Variants in CPN1 observed in about 807,000 individuals in gnomAD.
The protein encoded by CPN1 is carboxypeptidase N subunit 1.
Under a neutral mutation model 46.4 loss-of-function variants are expected in CPN1, and 37 were observed. The observed-to-expected ratio is 0.80, with a 90% confidence interval of 0.61 to 1.05. The LOEUF (loss-of-function observed/expected upper bound fraction) is 1.05, where lower values mean the gene tolerates loss of function less well. Among genes scored for constraint, CPN1 ranks in the 50% least tolerant of loss-of-function variants. The pLI, the probability that CPN1 is intolerant of heterozygous loss-of-function variation, is 0.00. For synonymous variants in CPN1, 224 were observed against 235.4 expected (o/e 0.95, Z 0.44); for missense variants, 563 against 602.6 (o/e 0.93, Z 0.69).
chr10:100,060,369 C>T (rs956361732), intron 5 of CPN1, among the ~76,000 whole-genome samples: 4 of 152,092 alleles, frequency 2.6e-5, no homozygotes, highest in African/African-American at 9.7e-5. Flanking sequence ...TGAGAACAGC[C>T]TGACCAACAT....
At chr10:100,075,398 A>C (rs1031045417) in intron 2 of CPN1, among the ~76,000 whole-genome samples, 1 of 152,234 alleles carries the variant, frequency 6.6e-6, no homozygotes, top group African/African-American at 2.4e-5. Context: ...AAACAACTCT[A>C]TGGAAATATA....
chr10:100,049,797 G>A (rs962700798), intron 7 of CPN1, among the ~76,000 whole-genome samples: 1 of 152,258 alleles, frequency 6.6e-6, no homozygotes, highest in Non-Finnish European at 1.5e-5. Flanking sequence ...TACGAAGCAG[G>A]AATTTTACTG....
In CPN1 at chr10:100,048,832, T is replaced by C. The variant is rs772671251; in HGVS notation, c.1156A>G (p.Thr386Ala). 4 of 1,613,858 alleles carry C rather than the reference T, an allele frequency of 2.5e-6. No individual in the cohort carries two copies. The highest frequency in any genetic ancestry group is 1.7e-5 in the Admixed American group (1 of 60,008). Reference sequence around the variant, plus strand: ...TACCCAGGTGCTGTGGCACTAACAGTGTAGATACCTGGAAGCAGCAGCCGG... The same window carrying C: ...TACCCAGGTGCTGTGGCACTAACAGCGTAGATACCTGGAAGCAGCAGCCGG... ...YFRLLLPGIY[T>A]VSATAPGYDP... The change falls in exon 8 of 9, where the codon ACT becomes GCT. Residue 386 changes from threonine to alanine, a missense_variant. Coordinates refer to ENST00000370418, the MANE Select transcript of CPN1 (RefSeq NM_001308.3).
chr10:100,055,097 G>A (rs947990981), intron 6 of CPN1, among the ~76,000 whole-genome samples: 6 of 151,698 alleles, frequency 4.0e-5, no homozygotes, highest in African/African-American at 1.5e-4. Flanking sequence ...AATTAGCCAG[G>A]TGTGGTGGTG....
chr10:100,045,291 C>T (rs1378093280), intron 8 of CPN1, among the ~76,000 whole-genome samples: 1 of 152,150 alleles, frequency 6.6e-6, no homozygotes, highest in Non-Finnish European at 1.5e-5. Flanking sequence ...GTTGAACAGA[C>T]TTGCTGGTAA....
chr10:100,069,412 C>T (rs1231460458), intron 3 of CPN1, among the ~76,000 whole-genome samples: 4 of 151,376 alleles, frequency 2.6e-5, no homozygotes, highest in East Asian at 1.9e-4. Flanking sequence ...ACCTGGGAGG[C>T]GAAGGCTGCA....
chr10:100,077,874 G>C (rs2041524143), intron 1 of CPN1, among the ~76,000 whole-genome samples: 1 of 151,502 alleles, frequency 6.6e-6, no homozygotes, highest in Non-Finnish European at 1.5e-5. Flanking sequence ...ATCTGTTTTA[G>C]TTCCCTCCGG....
chr10:100,049,250 C>A (rs1438974178), intron 7 of CPN1, among the ~76,000 whole-genome samples: 2 of 148,698 alleles, frequency 1.3e-5, no homozygotes, highest in Non-Finnish European at 3.0e-5. Flanking sequence ...AGCCGCTGAG[C>A]CCGTTGGCTT....
intron 1 of CPN1, among the ~76,000 whole-genome samples, chr10:100,079,612 A>G (rs772321861): frequency 1.3e-5 from 2 of 152,218 alleles, no homozygotes; most frequent in Non-Finnish European, 2.9e-5. Flanking sequence ...AAAGCGAGGC[A>G]ATTATCCCAG....
chr10:100,063,924 ATGTGTGAATGCATG>A (rs1428323320), intron 4 of CPN1, among the ~76,000 whole-genome samples, 199 bp from the exon 5 acceptor site: 3 of 152,218 alleles, frequency 2.0e-5, no homozygotes, highest in African/African-American at 7.2e-5. Flanking sequence ...GTAGGTGGGT[ATGTGTGAATGCATG>A]TGTGTGAATG....
At chr10:100,081,320 C>G in intron 1 of CPN1, 83 bp downstream of exon 1, 1 of 1,273,740 alleles carries the variant, frequency 7.9e-7, no homozygotes, top group Non-Finnish European at 1.1e-6. Flanking sequence ...CGTCCACGGA[C>G]CACCCCAGAA....
intron 2 of CPN1, among the ~76,000 whole-genome samples, chr10:100,073,866 C>T (rs1311631650): frequency 2.0e-5 from 3 of 152,146 alleles, no homozygotes; most frequent in African/African-American, 4.8e-5. Flanking sequence ...CCTCCTACTT[C>T]AGCCTCCCAA....
In CPN1 at chr10:100,076,034, C is replaced by G; in HGVS notation, c.297G>C (p.Leu99=). Residue 99 remains leucine (L), a synonymous_variant, in exon 2 of 9, where the codon CTG becomes CTC. Transcript: ENST00000370418. The stretch of plus-strand genomic sequence containing the variant: ...GGAACTCCTCGCACAGAAACTCCGA[C>G]AGCTGCAGCATCAGCTCGCGGCCCA... The part of the protein sequence containing the change: ...EALGRELMLQ[L]SEFLCEEFRN... The G allele has an allele frequency of 6.2e-7, 1 of 1,614,198 alleles. No homozygotes were observed. The highest frequency in any genetic ancestry group is 8.5e-7 in the Non-Finnish European group (1 of 1,180,052).
At chr10:100,051,335 C>A (rs550711509) in intron 7 of CPN1, among the ~76,000 whole-genome samples, 146 of 152,074 alleles carry the variant, frequency 9.6e-4, no homozygotes, top group African/African-American at 3.4e-3. Context: ...TGAAATGACA[C>A]CCCAGGGGTT....
chr10:100,078,387 A>T (rs2041527090), intron 1 of CPN1, among the ~76,000 whole-genome samples: 1 of 152,048 alleles, frequency 6.6e-6, no homozygotes, highest in South Asian at 2.1e-4. Context: ...CATAACAATC[A>T]CTGCTACCAT....
chr10:100,061,486 T>C (rs2041417444), intron 5 of CPN1, among the ~76,000 whole-genome samples: 1 of 152,270 alleles, frequency 6.6e-6, no homozygotes, highest in Non-Finnish European at 1.5e-5. Context: ...TCAGAGTTTC[T>C]GATTCAGTAG....
chr10:100,070,377 G>A (rs1274601615), intron 2 of CPN1, among the ~76,000 whole-genome samples: 2 of 152,008 alleles, frequency 1.3e-5, no homozygotes, highest in African/African-American at 4.8e-5. Flanking sequence ...CAGCTACTTG[G>A]GAGGCTGAGG....
chr10:100,068,671 G>A (rs2041468509), intron 3 of CPN1, among the ~76,000 whole-genome samples: 1 of 152,068 alleles, frequency 6.6e-6, no homozygotes, highest in Non-Finnish European at 1.5e-5. Flanking sequence ...AAATAGCTAA[G>A]TCTATGACAT....
intron 3 of CPN1, among the ~76,000 whole-genome samples, chr10:100,067,683 T>C (rs1047177796): frequency 1.1e-4 from 17 of 152,168 alleles, no homozygotes; most frequent in African/African-American, 3.9e-4. Context: ...AGAGAATGCC[T>C]AGTTATTTTC....
Sources: allele counts gnomAD v4.1 joint callset (sites outside exome capture counted in the v4.1 genomes callset), GRCh38; gene constraint gnomAD v4.1.1; transcripts MANE v1.5; gene names NCBI Gene and HGNC (gene_info 2026-07-23, HGNC 2026-07-21).